The following FAM20C variants were observed in gnomAD, a reference collection of about 807,000 sequenced individuals.
FAM20C encodes the protein FAM20C golgi associated secretory pathway kinase, also known as extracellular serine/threonine protein kinase FAM20C.
Under a neutral mutation model 51.5 loss-of-function variants are expected in FAM20C, and 40 were observed. The ratio of observed to expected loss-of-function variants is 0.78; its 90% CI spans 0.60 to 1.01. FAM20C has a LOEUF of 1.01. Ranked by LOEUF, FAM20C falls within the 50% of genes least tolerant of loss-of-function variation. FAM20C has a pLI of 0.00. For missense variants in FAM20C, 861 were observed against 844.7 expected, an observed-to-expected ratio of 1.02 and a Z score of -0.24; for synonymous variants, 406 against 380.6, an observed-to-expected ratio of 1.07 and a Z score of -0.78.
chr7:253,846 C>G (rs1170263696), intron 5 of FAM20C, among the ~76,000 whole-genome samples: 1 of 152,212 alleles, frequency 6.6e-6, no homozygotes, highest in African/African-American at 2.4e-5. Context: ...TAGGCGAGGA[C>G]GGGAGGCTGT....
rs1026439060 is a variant in FAM20C, at chr7:235,316, C to T, written c.864-11099C>T. 5.4e-3 allele frequency among the ~76,000 whole-genome samples: 815 copies of T among 152,170 alleles called. 10 individuals carry two copies. Among genetic ancestry groups the T allele is most frequent in the African/African-American group, 0.019 (770 of 41,480 alleles). On this transcript the variant is annotated intron_variant, in intron 3 of 9. Coordinates refer to ENST00000313766, the MANE Select transcript of FAM20C (RefSeq NM_020223.4). ...GGGTATCCGGCGCCTTCTGAAATGC[C>T]GGACGCACGTGGACTGCCGATCTGT...
At chr7:229,510 C>G (rs1365666814) in intron 3 of FAM20C, 1 of 157,474 alleles carries the variant, frequency 6.4e-6, no homozygotes, top group South Asian at 1.9e-4. Flanking sequence ...GCCGTCCTCA[C>G]GCAAACAGTC....
At chr7:217,919 C>T (rs766398249) in intron 3 of FAM20C, among the ~76,000 whole-genome samples, 1 of 152,080 alleles carries the variant, frequency 6.6e-6, no homozygotes, top group Non-Finnish European at 1.5e-5. Context: ...TGCAGCTGCT[C>T]TTTAATTGAT....
intron 3 of FAM20C, among the ~76,000 whole-genome samples, chr7:213,791 G>A (rs137871429): frequency 6.0e-4 from 92 of 152,172 alleles, no homozygotes; most frequent in African/African-American, 2.0e-3. Context: ...GCTCGTTCCC[G>A]GGTTCCAGTT....
At chr7:257,838 G>GATGCTGGAGATAGGCAGT (rs1788660039) in intron 8 of FAM20C, among the ~76,000 whole-genome samples, 2 of 124,222 alleles carry the variant, frequency 1.6e-5, no homozygotes, top group African/African-American at 6.6e-5. Context: ...AGATGGGCAG[G>GATGCTGGAGATAGGCAGT]GTGGACCCAC....
At chr7:249,674 C>T (rs1240874441) in intron 5 of FAM20C, among the ~76,000 whole-genome samples, 2 of 152,000 alleles carry the variant, frequency 1.3e-5, no homozygotes, top group African/African-American at 2.4e-5. Flanking sequence ...CAGGAGGTGG[C>T]GGCTGCAGTG....
intron 5 of FAM20C, among the ~76,000 whole-genome samples, chr7:255,330 C>T (rs1361991857): frequency 6.6e-6 from 1 of 152,210 alleles, no homozygotes; most frequent in Admixed American, 6.5e-5. Context: ...CGGTGACTCA[C>T]GATGGCGCCC....
At chr7:205,809 T>G (rs1786352845) in intron 2 of FAM20C, among the ~76,000 whole-genome samples, 1 of 151,912 alleles carries the variant, frequency 6.6e-6, no homozygotes, top group Non-Finnish European at 1.5e-5. Flanking sequence ...TTCAGTGTCC[T>G]CGGGAAGCAT....
chr7:247,976 A>G (rs1788235322), intron 4 of FAM20C, among the ~76,000 whole-genome samples: 1 of 152,374 alleles, frequency 6.6e-6, no homozygotes, highest in African/African-American at 2.4e-5. Flanking sequence ...GTGGTTCAGA[A>G]GGAGTTCCAT....
At chr7:237,058 G>C (rs1423517006) in intron 3 of FAM20C, among the ~76,000 whole-genome samples, 1 of 152,250 alleles carries the variant, frequency 6.6e-6, no homozygotes, top group Non-Finnish European at 1.5e-5. Flanking sequence ...CTGTGAGGCA[G>C]ATTGGCTTGG....
intron 3 of FAM20C, among the ~76,000 whole-genome samples, chr7:235,132 T>C (rs1787810687): frequency 1.3e-5 from 2 of 151,890 alleles, no homozygotes; most frequent in South Asian, 4.2e-4. Context: ...GCTGCGGCAT[T>C]TTCAAACTGT....
chr7:244,500 T>G (rs1337542340), intron 3 of FAM20C, among the ~76,000 whole-genome samples: 5 of 152,300 alleles, frequency 3.3e-5, no homozygotes, highest in Non-Finnish European at 1.5e-5. Flanking sequence ...TTCCACAAGG[T>G]CTAGATTCTT....
At chr7:259,154 C>T (rs145917737) in intron 9 of FAM20C, among the ~76,000 whole-genome samples, 1,844 of 152,324 alleles carry the variant, frequency 0.012, 35 homozygotes, top group African/African-American at 0.041. Context: ...TCACAGCGCC[C>T]GTGTTGTGCG....
chr7:199,783 G>C (rs1342452807), intron 2 of FAM20C, among the ~76,000 whole-genome samples: 3 of 152,246 alleles, frequency 2.0e-5, no homozygotes, highest in African/African-American at 7.2e-5. Flanking sequence ...GCTTGAAATC[G>C]GGCATGCAGT....
intron 8 of FAM20C, 35 bp from the exon 9 acceptor site, chr7:258,611 A>G (rs188723304): frequency 8.2e-5 from 125 of 1,532,812 alleles, no homozygotes; most frequent in Middle Eastern, 3.3e-4. Context: ...AACCTTGTAC[A>G]GGGGCCCTTG....
At chr7:231,214 G>T (rs1199451103) in intron 3 of FAM20C, among the ~76,000 whole-genome samples, 1 of 152,160 alleles carries the variant, frequency 6.6e-6, no homozygotes, top group Non-Finnish European at 1.5e-5. Context: ...GCGCTGGGGG[G>T]TCTGTTCCGG....
chr7:232,758 G>C (rs1787738512), intron 3 of FAM20C, among the ~76,000 whole-genome samples: 1 of 152,230 alleles, frequency 6.6e-6, no homozygotes, highest in Non-Finnish European at 1.5e-5. Context: ...CGCCGCGGCT[G>C]ACCGGCCCCT....
chr7:258,743 C>T (rs1378603705), intron 9 of FAM20C, 38 bp downstream of exon 9: 2 of 1,522,276 alleles, frequency 1.3e-6, no homozygotes, highest in East Asian at 4.9e-5. Flanking sequence ...GCTCCACCCT[C>T]CTCCCTACTG....
chr7:246,307 A>G (rs1406142370), intron 3 of FAM20C, 108 bp from the exon 4 acceptor site: 36 of 917,500 alleles, frequency 3.9e-5, no homozygotes, highest in Non-Finnish European at 5.8e-5. Flanking sequence ...AGGAGGCTGG[A>G]GCTCCACCGC....
Sources: gnomAD v4.1 joint callset for allele counts (sites outside exome capture counted in the v4.1 genomes callset) on GRCh38, gnomAD v4.1.1 for gene constraint, MANE v1.5 for transcripts, NCBI Gene and HGNC (gene_info 2026-07-23, HGNC 2026-07-21) for gene names.